GPD2: variants seen among roughly 807,000 people sequenced by gnomAD.
GPD2 encodes the protein glycerol-3-phosphate dehydrogenase 2.
In GPD2, 54 loss-of-function variants were observed where a neutral mutation model predicts 82.4. That is an observed-to-expected ratio of 0.66 (90% confidence interval 0.53 to 0.82). The LOEUF is 0.82. Among genes scored for constraint, GPD2 ranks in the 40% least tolerant of loss-of-function variants. The probability of loss-of-function intolerance (pLI) is 0.00; values close to 1 mark genes in which losing one functional copy is unlikely to be tolerated. For synonymous variants in GPD2, 288 were observed against 306.1 expected, an observed-to-expected ratio of 0.94 and a Z score of 0.62; for missense variants, 748 against 896.2, an observed-to-expected ratio of 0.83 and a Z score of 2.11.
upstream of GPD2, among the ~76,000 whole-genome samples, chr2:156,433,620 G>A (rs982598988): frequency 1.4e-4 from 21 of 152,132 alleles, no homozygotes; most frequent in African/African-American, 9.7e-5. Flanking sequence ...CTGGCTTTGC[G>A]TGAATTACTC....
chr2:156,514,394 T>G (rs1685119463), intron 6 of GPD2, among the ~76,000 whole-genome samples: 1 of 151,960 alleles, frequency 6.6e-6, no homozygotes, highest in African/African-American at 2.4e-5. Context: ...AGCTTAGATT[T>G]TATACCTCAG....
At chr2:156,524,486 G>A (rs1404469775) in intron 6 of GPD2, among the ~76,000 whole-genome samples, 1 of 152,056 alleles carries the variant, frequency 6.6e-6, no homozygotes, top group Non-Finnish European at 1.5e-5. Flanking sequence ...GGAAGGCTGG[G>A]GTGGCCACAA....
chr2:156,420,438 CG>C, the GPD2 span, among the ~76,000 whole-genome samples: 1 of 151,960 alleles, frequency 6.6e-6, no homozygotes. Flanking sequence ...CCCAAAGTGC[CG>C]GGATTACAGG....
chr2:156,456,965 G>T (rs1682809390), intron 1 of GPD2, among the ~76,000 whole-genome samples: 1 of 152,150 alleles, frequency 6.6e-6, no homozygotes, highest in Non-Finnish European at 1.5e-5. Flanking sequence ...TCGTTCCCCA[G>T]TTCTCATTGT....
chr2:156,449,875 C>G (rs1319005261), intron 1 of GPD2, among the ~76,000 whole-genome samples: 1 of 23,028 alleles, frequency 4.3e-5, no homozygotes, highest in Non-Finnish European at 1.8e-4. Flanking sequence ...AAAAGCCGGG[C>G]ATGGTGGCAC....
intron 3 of GPD2, chr2:156,501,733 A>T (rs1284112914): frequency 1.2e-5 from 2 of 169,242 alleles, no homozygotes; most frequent in East Asian, 3.8e-4. Flanking sequence ...TCTTAAAATT[A>T]ATCTGGAGAT....
At chr2:156,576,262 T>A (rs1226846328) in intron 13 of GPD2, among the ~76,000 whole-genome samples, 3 of 152,198 alleles carry the variant, frequency 2.0e-5, no homozygotes, top group African/African-American at 7.2e-5. Flanking sequence ...GTTACTCCCT[T>A]CTAGGTACTT....
chr2:156,405,235 T>C, the GPD2 span, among the ~76,000 whole-genome samples: 1 of 152,078 alleles, frequency 6.6e-6, no homozygotes, highest in African/African-American at 2.4e-5. Flanking sequence ...TGTAGAAAAG[T>C]AAGGAAGAGA....
At chr2:156,406,832 T>G in the GPD2 span, among the ~76,000 whole-genome samples, 1 of 152,202 alleles carries the variant, frequency 6.6e-6, no homozygotes, top group Non-Finnish European at 1.5e-5. Context: ...TCCCAAGTTA[T>G]TTGGGTCTTT....
rs1688172757 is a variant in GPD2, at chr2:156,585,238, AG to A, written c.*2326del. On this transcript the variant is annotated 3_prime_UTR_variant, in exon 17 of 17. Transcript: ENST00000438166. ...GATTTAAGAAAGGGAGACAAGCAAT[AG>A]GGGGGAATAAGCTTCTTCAAAATTC... is the stretch of plus-strand genomic sequence containing the variant. 1 of 152,146 alleles carries A rather than the reference AG, an allele frequency of 6.6e-6. No homozygotes were observed. The highest frequency in any genetic ancestry group is 6.6e-5 in the Admixed American group (1 of 15,208). 9.4% of individuals were successfully genotyped at this position (152,146 alleles called of 1,614,324 possible).
intron 6 of GPD2, among the ~76,000 whole-genome samples, chr2:156,522,815 A>G (rs1231167646): frequency 6.6e-6 from 1 of 152,082 alleles, no homozygotes; most frequent in Non-Finnish European, 1.5e-5. Context: ...GTTTAGATAC[A>G]TGGGGATGTG....
chr2:156,528,021 A>G (rs1272552041), intron 6 of GPD2, among the ~76,000 whole-genome samples: 4 of 152,180 alleles, frequency 2.6e-5, no homozygotes, highest in Non-Finnish European at 5.9e-5. Flanking sequence ...TTAGTGAAAA[A>G]GAAGGTAAAA....
chr2:156,498,112 G>T (rs1350751759), intron 3 of GPD2, among the ~76,000 whole-genome samples: 5 of 152,094 alleles, frequency 3.3e-5, no homozygotes, highest in Non-Finnish European at 7.4e-5. Context: ...GTATTTCTTG[G>T]TATCTGCAGG....
intron 3 of GPD2, among the ~76,000 whole-genome samples, chr2:156,509,765 CTTTTT>C (rs60361072): frequency 2.7e-3 from 313 of 117,374 alleles, no homozygotes; most frequent in African/African-American, 9.0e-3. Context: ...ATATGTTCTT[CTTTTT>C]TTTTTTTTTT....
chr2:156,486,164 C>G (rs898140617), intron 2 of GPD2, among the ~76,000 whole-genome samples: 6 of 152,194 alleles, frequency 3.9e-5, no homozygotes, highest in African/African-American at 1.2e-4. Flanking sequence ...ATTATGCAGA[C>G]AGAGCTGGAA....
intron 6 of GPD2, among the ~76,000 whole-genome samples, chr2:156,517,628 A>G (rs956341029): frequency 6.6e-6 from 1 of 152,226 alleles, no homozygotes; most frequent in Non-Finnish European, 1.5e-5. Flanking sequence ...AGTAGAGAGT[A>G]TGGTGACCAG....
intron 9 of GPD2, among the ~76,000 whole-genome samples, chr2:156,562,363 C>T (rs1687206147): frequency 6.6e-6 from 1 of 152,140 alleles, no homozygotes; most frequent in African/African-American, 2.4e-5. Flanking sequence ...GGATGTCTTC[C>T]AGCTGTTTAA....
chr2:156,562,986 T>C (rs1687230904), intron 9 of GPD2, among the ~76,000 whole-genome samples: 1 of 152,200 alleles, frequency 6.6e-6, no homozygotes, highest in African/African-American at 2.4e-5. Flanking sequence ...AAGTGGTCTT[T>C]AATGATGGAT....
intron 2 of GPD2, among the ~76,000 whole-genome samples, chr2:156,478,492 G>A (rs1021238028): frequency 6.6e-6 from 1 of 151,768 alleles, no homozygotes; most frequent in African/African-American, 2.4e-5. Context: ...GTAGCCATAG[G>A]GACTGGCAAA....
Sources: gnomAD v4.1 joint callset for allele counts (sites outside exome capture counted in the v4.1 genomes callset) on GRCh38, gnomAD v4.1.1 for gene constraint, MANE v1.5 for transcripts, NCBI Gene and HGNC (gene_info 2026-07-23, HGNC 2026-07-21) for gene names.